Variants in GAB2 observed in about 807,000 individuals in gnomAD.
GAB2 encodes the protein GRB2 associated binding protein 2, also known as GRB2-associated-binding protein 2.
Under a neutral mutation model 65.5 loss-of-function variants are expected in GAB2, and 26 were observed. The observed-to-expected ratio is 0.40, with a 90% CI of 0.29 to 0.55. GAB2 has a LOEUF of 0.55. Among genes scored for constraint, GAB2 ranks in the 20% least tolerant of loss-of-function variants. The pLI, the probability that GAB2 is intolerant of heterozygous loss-of-function variation, is 0.53. For synonymous variants in GAB2, 321 were observed against 329.6 expected, an observed-to-expected ratio of 0.97 and a Z score of 0.28; for missense variants, 884 against 875.8, an observed-to-expected ratio of 1.01 and a Z score of -0.12.
chr11:78,318,003 T>C (rs1281563049), intron 1 of GAB2: 2 of 152,130 alleles, frequency 1.3e-5, no homozygotes, highest in Non-Finnish European at 2.9e-5. Flanking sequence ...GTGTCAAATA[T>C]TGTACTAAGG....
chr11:78,239,819 G>T (rs576241169), intron 3 of GAB2, among the ~76,000 whole-genome samples: 1 of 152,152 alleles, frequency 6.6e-6, no homozygotes, highest in Non-Finnish European at 1.5e-5. Flanking sequence ...AGTTGCCTAG[G>T]GTCCACATAG....
At chr11:78,356,339 T>C (rs1294300026) in intron 1 of GAB2, among the ~76,000 whole-genome samples, 3 of 152,310 alleles carry the variant, frequency 2.0e-5, no homozygotes, top group South Asian at 2.1e-4. Context: ...ACTAACAACA[T>C]GGTAACAATG....
chr11:78,227,772 T>C (rs1022934335), intron 3 of GAB2, among the ~76,000 whole-genome samples: 2 of 151,994 alleles, frequency 1.3e-5, no homozygotes, highest in African/African-American at 2.4e-5. Flanking sequence ...TGCATTCCAG[T>C]CTAGTAAACA....
intron 3 of GAB2, among the ~76,000 whole-genome samples, chr11:78,247,883 CCT>C (rs1354743980): frequency 6.6e-6 from 1 of 152,094 alleles, no homozygotes; most frequent in African/African-American, 2.4e-5. Context: ...CAAAAGTCTC[CCT>C]GAGATCCTGC....
At chr11:78,297,273 A>T (rs933656520) in intron 1 of GAB2, among the ~76,000 whole-genome samples, 2 of 151,786 alleles carry the variant, frequency 1.3e-5, no homozygotes, top group African/African-American at 4.8e-5. Flanking sequence ...GTCAAATATT[A>T]TAATAATATA....
rs1198282307 is a variant in GAB2, at chr11:78,215,706, C to T, written c.*3566G>A. The T allele has an allele frequency of 6.6e-6, 1 of 152,372 alleles. No individual in the cohort carries two copies. Among genetic ancestry groups the T allele is most frequent in the Admixed American group, 6.5e-5 (1 of 15,290 alleles). The allele number at this position is 152,372 out of a possible 1,614,324, so 9.4% of individuals were successfully genotyped here. ...TGACAGCCTGGATCTCTTGGGGACC[C>T]CCTCGGCAGGTACCCCATTGTGGTC... On this transcript the variant is annotated 3_prime_UTR_variant, in exon 10 of 10. Transcript: ENST00000361507.
intron 5 of GAB2, among the ~76,000 whole-genome samples, chr11:78,224,685 C>G (rs1025563264): frequency 6.6e-6 from 1 of 152,128 alleles, no homozygotes; most frequent in Non-Finnish European, 1.5e-5. Flanking sequence ...AGAGGGCAGC[C>G]TGGGATCCTG....
At chr11:78,396,595 C>A (rs969971200) in intron 1 of GAB2, among the ~76,000 whole-genome samples, 1 of 152,022 alleles carries the variant, frequency 6.6e-6, no homozygotes, top group Non-Finnish European at 1.5e-5. Context: ...TTTTGTGATG[C>A]GGAAATATTT....
At chr11:78,342,404 CTTTT>C (rs143105179) in intron 1 of GAB2, among the ~76,000 whole-genome samples, 23 of 109,872 alleles carry the variant, frequency 2.1e-4, no homozygotes, top group African/African-American at 7.7e-4. Context: ...ACACTTTGCA[CTTTT>C]TTTTTTTTTT....
chr11:78,327,935 T>C (rs1445394820), intron 1 of GAB2, among the ~76,000 whole-genome samples: 1 of 152,204 alleles, frequency 6.6e-6, no homozygotes, highest in African/African-American at 2.4e-5. Context: ...AGCATAAATA[T>C]TGTCATTATA....
intron 3 of GAB2, among the ~76,000 whole-genome samples, chr11:78,238,903 C>A (rs1865057850): frequency 6.6e-6 from 1 of 152,050 alleles, no homozygotes; most frequent in African/African-American, 2.4e-5. Context: ...TAGGTAAACT[C>A]CAACAGCTCA....
intron 1 of GAB2, among the ~76,000 whole-genome samples, chr11:78,414,310 T>C (rs997547494): frequency 2.0e-5 from 3 of 152,104 alleles, no homozygotes; most frequent in Non-Finnish European, 2.9e-5. Context: ...GCCTGGGACA[T>C]AGATTTAATA....
chr11:78,284,296 C>T (rs1391764849), intron 1 of GAB2, among the ~76,000 whole-genome samples: 1 of 152,240 alleles, frequency 6.6e-6, no homozygotes, highest in Non-Finnish European at 1.5e-5. Context: ...CTTCCTGCTT[C>T]CACCCTTTCA....
chr11:78,370,208 G>T (rs1311841527), intron 1 of GAB2, among the ~76,000 whole-genome samples: 2 of 143,194 alleles, frequency 1.4e-5, no homozygotes, highest in African/African-American at 5.3e-5. Flanking sequence ...AGTGAGCTGA[G>T]ATCCCGCCAC....
intron 1 of GAB2, among the ~76,000 whole-genome samples, chr11:78,407,776 A>G (rs969719903): frequency 1.3e-5 from 2 of 150,976 alleles, no homozygotes; most frequent in South Asian, 4.2e-4. Context: ...AAGAGAGAGA[A>G]AGAAAGAAAG....
At chr11:78,294,876 A>G (rs1188036338) in intron 1 of GAB2, among the ~76,000 whole-genome samples, 1 of 152,340 alleles carries the variant, frequency 6.6e-6, no homozygotes, top group East Asian at 1.9e-4. Flanking sequence ...AACAAAAGCC[A>G]AAATTGACAA....
Position 78,377,287 on chromosome 11 carries a change from C to T in GAB2, c.75+40359G>A, listed in dbSNP as rs569896370. ...AACTAGTAGGTCCAGTGTCTGGTGA[C>T]GGCCCTTTTCCAGCTTTACAGAGGG... On this transcript the variant is annotated intron_variant, in intron 1 of 9. Transcript: ENST00000361507. 6.6e-5 allele frequency among the ~76,000 whole-genome samples: 10 copies of T among 152,302 alleles called. No homozygotes were observed. The South Asian group carries it at 8.3e-4, about 13-fold the overall frequency.
chr11:78,248,773 T>G (rs746966643), intron 3 of GAB2, among the ~76,000 whole-genome samples: 1 of 152,188 alleles, frequency 6.6e-6, no homozygotes, highest in Non-Finnish European at 1.5e-5. Flanking sequence ...ACAAAGAAAG[T>G]AAAAGAACCT....
chr11:78,261,257 C>T (rs543516628), intron 2 of GAB2, among the ~76,000 whole-genome samples: 2 of 152,188 alleles, frequency 1.3e-5, no homozygotes, highest in South Asian at 2.1e-4. Context: ...CACTGCACTC[C>T]GGCCTGGGCG....
Sources: gnomAD v4.1 joint callset for allele counts (sites outside exome capture counted in the v4.1 genomes callset) on GRCh38, gnomAD v4.1.1 for gene constraint, MANE v1.5 for transcripts, NCBI Gene and HGNC (gene_info 2026-07-23, HGNC 2026-07-21) for gene names.